Variants in ACOXL observed in about 807,000 individuals in gnomAD.
ACOXL encodes acyl-CoA oxidase like.
A neutral mutation model predicts 71.9 loss-of-function variants in ACOXL; 70 were observed. The observed-to-expected ratio is 0.97, with a 90% CI of 0.80 to 1.19. ACOXL has a LOEUF of 1.19. ACOXL is among the 50% of genes most tolerant of loss of function. The probability of loss-of-function intolerance (pLI) is 0.00; values close to 1 mark genes in which losing one functional copy is unlikely to be tolerated. For missense variants in ACOXL, 703 were observed against 736.3 expected, an observed-to-expected ratio of 0.95 and a Z score of 0.52; for synonymous variants, 253 against 281.6, an observed-to-expected ratio of 0.90 and a Z score of 1.02.
At chr2:110,964,018 C>G (rs903021723) in intron 12 of ACOXL, among the ~76,000 whole-genome samples, 1 of 152,068 alleles carries the variant, frequency 6.6e-6, no homozygotes, top group African/African-American at 2.4e-5. Flanking sequence ...GCATGAAAAC[C>G]CAGTTTACAA....
rs2062020463 is a variant in ACOXL, at chr2:110,968,284, G to A, written c.1060-18824G>A. The A allele has an allele frequency of 1.4e-5, 17 of 1,193,618 alleles. No homozygotes were observed. The South Asian group carries it at 2.1e-4, about 14-fold the overall frequency. 73.9% of individuals were successfully genotyped at this position (1,193,618 alleles called of 1,614,324 possible). ...TACCTGCTATTTGGATGCAGGCCTT[G>A]CCAGAACTACCACTGGCAATAAATT... On this transcript the variant is annotated intron_variant, in intron 12 of 17. Transcript: ENST00000439055.
chr2:110,954,822 G>GT lies in ACOXL; in HGVS notation c.1059+21180_1059+21181insT, dbSNP rs2061440341. ...CTTTCTTCTAAACACCATTTAGTGT[G>GT]GTCTGTAGTTTTTGTCTGAATCTGT... On this transcript the variant is annotated intron_variant, in intron 12 of 17. Coordinates refer to ENST00000439055, the MANE Select transcript of ACOXL (RefSeq NM_001142807.4). Among the ~76,000 whole-genome samples the GT allele has an allele frequency of 2.5e-3, 4 of 1,602 alleles. No individual in the cohort carries two copies. In the South Asian group the frequency reaches 0.25, roughly 100 times the overall value. 1.1% of individuals were successfully genotyped at this position (1,602 alleles called of 152,430 possible). A position where few individuals can be genotyped will look rare whatever the true frequency, so the allele number is the denominator to read the frequency against.
chr2:110,904,352 T>TGACAA (rs946475957), intron 10 of ACOXL, among the ~76,000 whole-genome samples: 3 of 152,156 alleles, frequency 2.0e-5, no homozygotes, highest in Non-Finnish European at 4.4e-5. Flanking sequence ...GAGCATCTAA[T>TGACAA]GACAAGCAAA....
At chr2:110,827,306 G>C (rs1689279246) in intron 9 of ACOXL, among the ~76,000 whole-genome samples, 1 of 152,136 alleles carries the variant, frequency 6.6e-6, no homozygotes, top group Non-Finnish European at 1.5e-5. Context: ...GCTCTCCCGG[G>C]TCATGATGAC....
chr2:110,869,681 G>A (rs1051025218), intron 10 of ACOXL, among the ~76,000 whole-genome samples: 5 of 152,224 alleles, frequency 3.3e-5, no homozygotes, highest in South Asian at 2.1e-4. Flanking sequence ...AAGAGGCAAA[G>A]TAGCCAGTGA....
At chr2:110,964,809 T>C (rs547369839) in intron 12 of ACOXL, among the ~76,000 whole-genome samples, 1 of 152,348 alleles carries the variant, frequency 6.6e-6, no homozygotes, top group African/African-American at 2.4e-5. Context: ...ATTTATCATT[T>C]CTATGTGTTG....
chr2:110,984,836 G>A (rs886310202), intron 12 of ACOXL, among the ~76,000 whole-genome samples: 2 of 152,216 alleles, frequency 1.3e-5, no homozygotes, highest in Non-Finnish European at 2.9e-5. Flanking sequence ...GTGAGTCCTC[G>A]CCTCTGGGCT....
chr2:110,933,354 TAC>T lies in ACOXL; in HGVS notation c.906-133_906-132del, dbSNP rs906348252. 4.9e-5 allele frequency: 55 copies of T among 1,118,646 alleles called. No homozygotes were observed. The African/African-American group carries it at 8.0e-4, about 16-fold the overall frequency. The allele number at this position is 1,118,646 out of a possible 1,614,324, so 69.3% of individuals were successfully genotyped here. On this transcript the variant is annotated intron_variant, in intron 11 of 17. Coordinates refer to ENST00000439055, the MANE Select transcript of ACOXL (RefSeq NM_001142807.4). ...CCACTGTTATTTTTTAGTGACTATC[TAC>T]AGTTTAAAATCTGCATCACTGACAT...
intron 9 of ACOXL, among the ~76,000 whole-genome samples, chr2:110,811,550 G>T (rs1687314114): frequency 6.6e-6 from 1 of 152,274 alleles, no homozygotes; most frequent in East Asian, 1.9e-4. Context: ...TGACACTTTT[G>T]TGATGTGGTG....
At chr2:110,879,391 A>G (rs1696338190) in intron 10 of ACOXL, among the ~76,000 whole-genome samples, 1 of 152,254 alleles carries the variant, frequency 6.6e-6, no homozygotes, top group African/African-American at 2.4e-5. Context: ...AAAATGATGT[A>G]GCCTAGGATT....
At chr2:110,770,430 C>A (rs994596930) in intron 2 of ACOXL, among the ~76,000 whole-genome samples, 21 of 152,224 alleles carry the variant, frequency 1.4e-4, no homozygotes, top group African/African-American at 5.1e-4. Context: ...AGCCTTGGCA[C>A]CACCTGCGCT....
In ACOXL at chr2:111,114,038, T is replaced by C. The variant is rs147255044; in HGVS notation, c.1543-3578T>C. On this transcript the variant is annotated intron_variant, in intron 17 of 17. Transcript: ENST00000439055. ...AAGTAAGTTTATTTGTTGTTTTGCT[T>C]AGTCAGGTTAAAAATTTCTATTTCT... is the stretch of plus-strand genomic sequence containing the variant. 114 of 152,776 alleles carry C rather than the reference T, an allele frequency of 7.5e-4. 1 individual carries two copies. Among genetic ancestry groups the C allele is most frequent in the Admixed American group, 7.1e-3 (108 of 15,302 alleles). The allele number at this position is 152,776 out of a possible 1,614,324, so 9.5% of individuals were successfully genotyped here.
intron 10 of ACOXL, among the ~76,000 whole-genome samples, chr2:110,883,031 A>G (rs10197135): frequency 0.32 from 49,056 of 150,976 alleles, 8,167 homozygotes; most frequent in Middle Eastern, 0.39. Context: ...ACTTTGTGCC[A>G]GTTTCCAGTG....
intron 1 of ACOXL, among the ~76,000 whole-genome samples, chr2:110,755,289 A>G (rs57431143): frequency 0.014 from 2,153 of 152,308 alleles, 58 homozygotes; most frequent in African/African-American, 0.046. Flanking sequence ...CCTGAGATCT[A>G]GGAACACTAA....
chr2:111,051,423 C>T (rs1204346883), intron 16 of ACOXL, among the ~76,000 whole-genome samples: 3 of 152,130 alleles, frequency 2.0e-5, no homozygotes, highest in Non-Finnish European at 4.4e-5. Flanking sequence ...TTTAACTTAA[C>T]CTCATGAAAA....
chr2:110,779,730 C>T (rs1410483184), intron 2 of ACOXL, among the ~76,000 whole-genome samples: 5 of 152,296 alleles, frequency 3.3e-5, no homozygotes, highest in Middle Eastern at 3.4e-3. Flanking sequence ...TGGCAGTAAA[C>T]GATGCTGGAA....
chr2:111,024,007 G>A (rs1014502527), intron 14 of ACOXL, among the ~76,000 whole-genome samples: 2 of 152,168 alleles, frequency 1.3e-5, no homozygotes, highest in African/African-American at 4.8e-5. Context: ...ACAGGTCAAG[G>A]AGGGACTGTG....
intron 16 of ACOXL, among the ~76,000 whole-genome samples, chr2:111,060,203 T>C (rs113666776): frequency 2.8e-4 from 42 of 152,228 alleles, no homozygotes; most frequent in African/African-American, 9.6e-4. Flanking sequence ...CTGGAGACCA[T>C]CTGGGGAGCC....
chr2:110,873,238 G>A (rs955477404), intron 10 of ACOXL, among the ~76,000 whole-genome samples: 2 of 152,068 alleles, frequency 1.3e-5, no homozygotes, highest in Non-Finnish European at 2.9e-5. Flanking sequence ...GAGGATCCTC[G>A]GGCAACAGGG....
Sources: gnomAD v4.1 joint callset for allele counts (sites outside exome capture counted in the v4.1 genomes callset) on GRCh38, gnomAD v4.1.1 for gene constraint, MANE v1.5 for transcripts, NCBI Gene and HGNC (gene_info 2026-07-23, HGNC 2026-07-21) for gene names.